The following CTNND2 variants were observed in gnomAD, a reference collection of about 807,000 sequenced individuals.
CTNND2 encodes the protein catenin delta-2.
Under a neutral mutation model 144.4 loss-of-function variants are expected in CTNND2, and 22 were observed. The ratio of observed to expected loss-of-function variants is 0.15; its 90% CI spans 0.11 to 0.22. The LOEUF (loss-of-function observed/expected upper bound fraction) is 0.22. Among genes scored for constraint, CTNND2 ranks in the 10% least tolerant of loss-of-function variants. The pLI, the probability that CTNND2 is intolerant of heterozygous loss-of-function variation, is 1.00. For missense variants in CTNND2, 1,353 were observed against 1,618.8 expected, an observed-to-expected ratio of 0.84 and a Z score of 2.82; for synonymous variants, 751 against 695.6, an observed-to-expected ratio of 1.08 and a Z score of -1.25.
chr5:11,348,789 AG>A (rs1193916512), intron 8 of CTNND2, among the ~76,000 whole-genome samples: 1 of 152,156 alleles, frequency 6.6e-6, no homozygotes, highest in Non-Finnish European at 1.5e-5. Context: ...TCTGCCAAGC[AG>A]CAGACAATAA....
At chr5:11,130,261 C>G (rs900284249) in intron 12 of CTNND2, among the ~76,000 whole-genome samples, 2 of 151,752 alleles carry the variant, frequency 1.3e-5, no homozygotes, top group Admixed American at 6.6e-5. Flanking sequence ...CATACCACAC[C>G]CCCCCCATCC....
Position 11,816,189 on chromosome 5 carries a change from G to A in CTNND2, c.38-83917C>T, listed in dbSNP as rs192137636. On this transcript the variant is annotated intron_variant, in intron 1 of 21. Coordinates refer to ENST00000304623, the MANE Select transcript of CTNND2 (RefSeq NM_001332.4). Reference sequence around the variant, plus strand: ...GTGGAGCAGCCACCACGCCCAGGGCGAGGAGAGAGGATGTGAATAGATTAC... The same window carrying A: ...GTGGAGCAGCCACCACGCCCAGGGCAAGGAGAGAGGATGTGAATAGATTAC... 3.5e-4 allele frequency among the ~76,000 whole-genome samples: 53 copies of A among 152,334 alleles called. No homozygotes were observed. In the East Asian group the frequency reaches 9.3e-3, roughly 27 times the overall value.
intron 12 of CTNND2, among the ~76,000 whole-genome samples, chr5:11,136,543 C>G (rs754494341): frequency 8.5e-5 from 13 of 152,156 alleles, no homozygotes; most frequent in Non-Finnish European, 1.9e-4. Flanking sequence ...TATGCACCAG[C>G]AGTGCTACGC....
intron 16 of CTNND2, among the ~76,000 whole-genome samples, chr5:11,054,706 A>G (rs1746178869): frequency 6.6e-6 from 1 of 152,136 alleles, no homozygotes; most frequent in Admixed American, 6.5e-5. Flanking sequence ...AAGGCTTGCT[A>G]TAGAGTCAGG....
At chr5:11,560,454 G>A (rs1461143386) in intron 3 of CTNND2, among the ~76,000 whole-genome samples, 1 of 152,152 alleles carries the variant, frequency 6.6e-6, no homozygotes, top group Non-Finnish European at 1.5e-5. Context: ...TGTTACTGAT[G>A]CCTATGGAAA....
intron 10 of CTNND2, among the ~76,000 whole-genome samples, chr5:11,222,910 C>T (rs1561045769): frequency 2.0e-5 from 3 of 152,282 alleles, no homozygotes; most frequent in Non-Finnish European, 2.9e-5. Flanking sequence ...GAGCTCCAGC[C>T]CCCTGGTGTG....
chr5:11,177,971 T>C (rs1166102523), intron 11 of CTNND2, among the ~76,000 whole-genome samples: 2 of 152,156 alleles, frequency 1.3e-5, no homozygotes, highest in South Asian at 2.1e-4. Context: ...ATGATACTTG[T>C]TGGTTCCTGG....
chr5:11,291,464 A>G (rs1430143434), intron 9 of CTNND2, among the ~76,000 whole-genome samples: 4 of 151,904 alleles, frequency 2.6e-5, no homozygotes, highest in African/African-American at 9.7e-5. Context: ...TACTGTGTCA[A>G]TGTCTGCCAC....
At chr5:11,122,640 T>C (rs1383076463) in intron 12 of CTNND2, among the ~76,000 whole-genome samples, 1 of 151,960 alleles carries the variant, frequency 6.6e-6, no homozygotes, top group Non-Finnish European at 1.5e-5. Flanking sequence ...AGCTCCTACA[T>C]CTCATCTTCC....
At chr5:11,689,735 AGT>A (rs1784811217) in intron 2 of CTNND2, among the ~76,000 whole-genome samples, 1 of 147,140 alleles carries the variant, frequency 6.8e-6, no homozygotes, top group Non-Finnish European at 1.5e-5. Flanking sequence ...GTGGTGAGAC[AGT>A]ATCTTCATAA....
intron 3 of CTNND2, among the ~76,000 whole-genome samples, chr5:11,544,389 G>T (rs1202558799): frequency 6.6e-6 from 1 of 152,196 alleles, no homozygotes; most frequent in East Asian, 1.9e-4. Flanking sequence ...ACTTTGGGAA[G>T]TAATTTAAAA....
chr5:11,575,040 T>C (rs988468420), intron 2 of CTNND2, among the ~76,000 whole-genome samples: 1 of 152,194 alleles, frequency 6.6e-6, no homozygotes, highest in African/African-American at 2.4e-5. Flanking sequence ...TTCATTTAAT[T>C]GCCATCTGTT....
intron 9 of CTNND2, among the ~76,000 whole-genome samples, chr5:11,334,836 G>T: frequency 6.6e-6 from 1 of 152,252 alleles, no homozygotes. Flanking sequence ...AGGACCCTCC[G>T]GTATGGAATT....
intron 1 of CTNND2, among the ~76,000 whole-genome samples, chr5:11,755,373 AT>A (rs1208648065): frequency 1.3e-5 from 2 of 151,348 alleles, no homozygotes; most frequent in African/African-American, 4.8e-5. Flanking sequence ...TGCTTTTAAT[AT>A]TTTTTTCTTT....
Position 11,818,869 on chromosome 5 carries a change from G to A in CTNND2, c.37+84948C>T, listed in dbSNP as rs574929665. Among the ~76,000 whole-genome samples, 78 of 152,282 alleles carry A rather than the reference G, an allele frequency of 5.1e-4. 1 individual carries two copies. Among genetic ancestry groups the A allele is most frequent in the South Asian group, 1.7e-3 (8 of 4,820 alleles). On this transcript the variant is annotated intron_variant, in intron 1 of 21. Transcript: ENST00000304623. Reference sequence around the variant, plus strand: ...GTCAACTCTGGTTTTGGATTATAGCGGGTTTCCTCTCCTCAGCAAAGAGTT... The same window carrying A: ...GTCAACTCTGGTTTTGGATTATAGCAGGTTTCCTCTCCTCAGCAAAGAGTT...
At chr5:11,319,667 C>T (rs1459934770) in intron 9 of CTNND2, among the ~76,000 whole-genome samples, 3 of 152,036 alleles carry the variant, frequency 2.0e-5, no homozygotes, top group East Asian at 1.9e-4. Context: ...ATTACAGGCT[C>T]CTGCCACCAC....
intron 9 of CTNND2, among the ~76,000 whole-genome samples, chr5:11,338,215 T>C (rs1753909002): frequency 6.6e-6 from 1 of 152,196 alleles, no homozygotes; most frequent in South Asian, 2.1e-4. Context: ...CTTTAGCTGC[T>C]ATATGTTGGC....
chr5:11,633,570 G>A (rs1781519114), intron 2 of CTNND2, among the ~76,000 whole-genome samples: 1 of 152,146 alleles, frequency 6.6e-6, no homozygotes, highest in South Asian at 2.1e-4. Context: ...AACGTCAGGA[G>A]TTCGAGACAA....
intron 2 of CTNND2, among the ~76,000 whole-genome samples, chr5:11,629,071 C>T (rs1781294035): frequency 6.6e-6 from 1 of 152,008 alleles, no homozygotes; most frequent in Non-Finnish European, 1.5e-5. Flanking sequence ...TAGGTGACTG[C>T]AAGTTCCTTT....
Sources: allele counts gnomAD v4.1 joint callset (sites outside exome capture counted in the v4.1 genomes callset), GRCh38; gene constraint gnomAD v4.1.1; transcripts MANE v1.5; gene names NCBI Gene and HGNC (gene_info 2026-07-23, HGNC 2026-07-21).